Variants in NMNAT2 observed in about 807,000 individuals in gnomAD.
NMNAT2 encodes the protein nicotinamide nucleotide adenylyltransferase 2.
NMNAT2 carries 11 observed loss-of-function variants against 41.6 expected under a neutral mutation model. The observed-to-expected ratio is 0.26, with a 90% CI of 0.17 to 0.44. The LOEUF is 0.44. Ranked by LOEUF, NMNAT2 falls within the 20% of genes least tolerant of loss-of-function variation. The probability of loss-of-function intolerance (pLI) is 1.00; values close to 1 mark genes in which losing one functional copy is unlikely to be tolerated. For synonymous variants in NMNAT2, 148 were observed against 151.2 expected, an observed-to-expected ratio of 0.98 and a Z score of 0.16; for missense variants, 288 against 407.7, an observed-to-expected ratio of 0.71 and a Z score of 2.53.
intron 1 of NMNAT2, among the ~76,000 whole-genome samples, chr1:183,319,261 C>A (rs1662313132): frequency 6.6e-6 from 1 of 152,172 alleles, no homozygotes; most frequent in Non-Finnish European, 1.5e-5. Flanking sequence ...TGCTGAGTGC[C>A]AGGAATACAA....
chr1:183,290,400 C>T (rs1262712966), intron 3 of NMNAT2, among the ~76,000 whole-genome samples, 194 bp from the exon 4 acceptor site: 1 of 152,190 alleles, frequency 6.6e-6, no homozygotes, highest in African/African-American at 2.4e-5. Flanking sequence ...ATGAGAGGAG[C>T]ATGGCATAGG....
chr1:183,294,349 T>TA, intron 1 of NMNAT2, among the ~76,000 whole-genome samples: 1 of 152,320 alleles, frequency 6.6e-6, no homozygotes, highest in South Asian at 2.1e-4. Context: ...TTTGGCCAGA[T>TA]AAAAGCCTTT....
chr1:183,270,753 C>T (rs910259977), intron 8 of NMNAT2, among the ~76,000 whole-genome samples: 14 of 152,128 alleles, frequency 9.2e-5, no homozygotes, highest in Admixed American at 6.5e-4. Flanking sequence ...AATTTGGTAT[C>T]GTTTGGTATC....
chr1:183,342,742 A>AT lies in NMNAT2; in HGVS notation c.86-48950dup, dbSNP rs199597851. ...TCAAACTCATTTTTAATTTAATTTAATTTTTTTTTGAGACAGGGTCTTGCT... is the reference window on the plus strand; with the variant it reads ...TCAAACTCATTTTTAATTTAATTTAATTTTTTTTTTGAGACAGGGTCTTGCT... On this transcript the variant is annotated intron_variant, in intron 1 of 10. Coordinates refer to ENST00000287713, the MANE Select transcript of NMNAT2 (RefSeq NM_015039.4). Among the ~76,000 whole-genome samples, 869 of 151,070 alleles carry AT rather than the reference A, an allele frequency of 5.8e-3. 7 individuals carry two copies. Among genetic ancestry groups the AT allele is most frequent in the African/African-American group, 0.02 (822 of 41,182 alleles).
intron 1 of NMNAT2, among the ~76,000 whole-genome samples, chr1:183,407,419 C>G (rs1318537266): frequency 6.6e-6 from 1 of 152,052 alleles, no homozygotes; most frequent in African/African-American, 2.4e-5. Flanking sequence ...CTCTGTTTTC[C>G]TGTATTTTCT....
intron 1 of NMNAT2, among the ~76,000 whole-genome samples, chr1:183,334,882 G>A (rs1349259293): frequency 1.3e-5 from 2 of 152,168 alleles, no homozygotes; most frequent in Non-Finnish European, 2.9e-5. Context: ...GAGACTCCAC[G>A]GTGCCCTAGT....
chr1:183,396,101 G>C (rs2101923965), intron 1 of NMNAT2, among the ~76,000 whole-genome samples: 1 of 152,328 alleles, frequency 6.6e-6, no homozygotes, highest in East Asian at 1.9e-4. Flanking sequence ...TCCCAGAGCA[G>C]TGCCAGCCTT....
chr1:183,312,753 A>G (rs1254433980), intron 1 of NMNAT2, among the ~76,000 whole-genome samples: 1 of 152,074 alleles, frequency 6.6e-6, no homozygotes, highest in Non-Finnish European at 1.5e-5. Context: ...GATTTTGGAT[A>G]CCTTCCTAAG....
intron 1 of NMNAT2, among the ~76,000 whole-genome samples, chr1:183,333,490 G>T (rs1022295782): frequency 6.6e-6 from 1 of 152,168 alleles, no homozygotes; most frequent in Non-Finnish European, 1.5e-5. Context: ...CAGAGAAGGA[G>T]ATGTGAGGAA....
At chr1:183,375,230 T>C (rs976566318) in intron 1 of NMNAT2, among the ~76,000 whole-genome samples, 1 of 152,144 alleles carries the variant, frequency 6.6e-6, no homozygotes, top group African/African-American at 2.4e-5. Context: ...AATAAATAAA[T>C]AAACAAATAA....
intron 1 of NMNAT2, among the ~76,000 whole-genome samples, chr1:183,366,189 T>G (rs1663406502): frequency 6.6e-6 from 1 of 152,254 alleles, no homozygotes; most frequent in South Asian, 2.1e-4. Flanking sequence ...CTTTCTGACC[T>G]CATTCATTTA....
At chr1:183,346,742 A>G (rs941358878) in intron 1 of NMNAT2, among the ~76,000 whole-genome samples, 2 of 152,212 alleles carry the variant, frequency 1.3e-5, no homozygotes, top group Non-Finnish European at 2.9e-5. Context: ...TGCTCAGCTC[A>G]TCGGAACACT....
chr1:183,398,778 C>T (rs543627392), intron 1 of NMNAT2, among the ~76,000 whole-genome samples: 23 of 152,328 alleles, frequency 1.5e-4, no homozygotes, highest in Admixed American at 1.0e-3. Flanking sequence ...TGCTCAACTA[C>T]ATGGAAACTG....
intron 1 of NMNAT2, among the ~76,000 whole-genome samples, chr1:183,341,067 A>G (rs1231476453): frequency 6.6e-6 from 1 of 152,230 alleles, no homozygotes; most frequent in Non-Finnish European, 1.5e-5. Flanking sequence ...AAGGTCATGC[A>G]GTGGATGGGC....
intron 1 of NMNAT2, among the ~76,000 whole-genome samples, chr1:183,407,615 A>T (rs1019941072): frequency 1.3e-5 from 2 of 152,186 alleles, no homozygotes; most frequent in East Asian, 3.8e-4. Flanking sequence ...GCTAGAACTT[A>T]TATCTGATAG....
At position 183,356,092 on chromosome 1, in the gene NMNAT2, C is replaced by T. The variant is rs554660954; in HGVS notation, c.85+62091G>A. Among the ~76,000 whole-genome samples the T allele has an allele frequency of 7.2e-5, 11 of 152,344 alleles. No individual in the cohort carries two copies. In the South Asian group the frequency reaches 8.3e-4, roughly 11 times the overall value. ...CAGCTAGCACACCTTGAGCATTTAC[C>T]GTGTGTCTGACACTATTGAGAGGTG... On this transcript the variant is annotated intron_variant, in intron 1 of 10. Coordinates refer to ENST00000287713, the MANE Select transcript of NMNAT2 (RefSeq NM_015039.4).
At chr1:183,355,228 T>G (rs1256778470) in intron 1 of NMNAT2, among the ~76,000 whole-genome samples, 1 of 152,202 alleles carries the variant, frequency 6.6e-6, no homozygotes, top group East Asian at 1.9e-4. Flanking sequence ...CTGAGACTCT[T>G]CCAATCTGTG....
intron 2 of NMNAT2, 67 bp downstream of exon 2, chr1:183,293,638 A>G (rs753248260): frequency 8.3e-7 from 1 of 1,208,028 alleles, no homozygotes. Context: ...TTTTTCTGCC[A>G]GGAACTATCA....
At chr1:183,299,704 G>T (rs1204397059) in intron 1 of NMNAT2, among the ~76,000 whole-genome samples, 3 of 151,990 alleles carry the variant, frequency 2.0e-5, no homozygotes, top group African/African-American at 4.8e-5. Flanking sequence ...GCTTTCCAGG[G>T]GTTAGGGATG....
Sources: allele counts gnomAD v4.1 joint callset (sites outside exome capture counted in the v4.1 genomes callset), GRCh38; gene constraint gnomAD v4.1.1; transcripts MANE v1.5; gene names NCBI Gene and HGNC (gene_info 2026-07-23, HGNC 2026-07-21).